The following RAPH1 variants were observed in gnomAD, a reference collection of about 807,000 sequenced individuals.
RAPH1 encodes the protein Ras association (RalGDS/AF-6) and pleckstrin homology domains 1.
Under a neutral mutation model 88.1 loss-of-function variants are expected in RAPH1, and 18 were observed. That is an observed-to-expected ratio of 0.20 (90% CI 0.14 to 0.30). RAPH1 has a LOEUF of 0.30. Among genes scored for constraint, RAPH1 ranks in the 10% least tolerant of loss-of-function variants. The pLI is 1.00. For synonymous variants in RAPH1, 587 were observed against 559.0 expected (o/e 1.05, Z -0.71); for missense variants, 1,448 against 1,543.2 (o/e 0.94, Z 1.03).
chr2:203,475,689 T>A (rs560869231), intron 4 of RAPH1, among the ~76,000 whole-genome samples: 1 of 151,526 alleles, frequency 6.6e-6, no homozygotes, highest in African/African-American at 2.4e-5. Flanking sequence ...CTATCACTTA[T>A]AACATGTTTC....
At position 203,438,099 on chromosome 2, in the gene RAPH1, AG is replaced by A; in HGVS notation, c.*1337del. 3.9e-6 allele frequency: 2 copies of A among 516,946 alleles called. No individual in the cohort carries two copies. The highest frequency in any genetic ancestry group is 7.7e-6 in the Non-Finnish European group (2 of 259,146). The allele number at this position is 516,946 out of a possible 1,614,324, so 32.0% of individuals were successfully genotyped here. Reference sequence around the variant, plus strand: ...CTGCACACGCATAAAACGTAATGTCAGTTACTGGACTTGGACTGTCCCACTC... The same window carrying A: ...CTGCACACGCATAAAACGTAATGTCATTACTGGACTTGGACTGTCCCACTC... On this transcript the variant is annotated 3_prime_UTR_variant, in exon 14 of 14. Transcript: ENST00000319170.
intron 3 of RAPH1, among the ~76,000 whole-genome samples, 161 bp downstream of exon 3, chr2:203,491,044 CAAAAAAAAA>C (rs1234982757): frequency 1.9e-5 from 1 of 52,770 alleles, no homozygotes; most frequent in African/African-American, 7.4e-5. Context: ...AACTCTGTCT[CAAAAAAAAA>C]AAAAAAAGAA....
intron 4 of RAPH1, among the ~76,000 whole-genome samples, chr2:203,488,613 A>C (rs901578307): frequency 7.4e-5 from 11 of 149,128 alleles, no homozygotes; most frequent in Admixed American, 4.0e-4. Context: ...AAAAAAAAAA[A>C]AAAAACCTGT....
chr2:203,482,897 G>A (rs571360923), intron 4 of RAPH1, among the ~76,000 whole-genome samples: 16 of 152,218 alleles, frequency 1.1e-4, no homozygotes, highest in African/African-American at 3.6e-4. Context: ...ATCAAAGAAC[G>A]CCTCAATAAG....
At chr2:203,487,081 T>C (rs1385909110) in intron 4 of RAPH1, among the ~76,000 whole-genome samples, 1 of 152,202 alleles carries the variant, frequency 6.6e-6, no homozygotes, top group Non-Finnish European at 1.5e-5. Flanking sequence ...AATTTGCCCC[T>C]ATACTGTATG....
chr2:203,469,316 CAT>C, intron 4 of RAPH1, among the ~76,000 whole-genome samples: 1 of 152,298 alleles, frequency 6.6e-6, no homozygotes, highest in Non-Finnish European at 1.5e-5. Flanking sequence ...TACCACCAGT[CAT>C]AGATCTGCTT....
At chr2:203,477,804 C>T (rs1687533401) in intron 4 of RAPH1, among the ~76,000 whole-genome samples, 1 of 152,126 alleles carries the variant, frequency 6.6e-6, no homozygotes, top group Admixed American at 6.6e-5. Context: ...CTAATCAGTA[C>T]ATTGGGGGTG....
At chr2:203,464,485 G>C (rs1244437597) in intron 4 of RAPH1, among the ~76,000 whole-genome samples, 3 of 152,184 alleles carry the variant, frequency 2.0e-5, no homozygotes, top group Non-Finnish European at 4.4e-5. Flanking sequence ...TGGCGAGACT[G>C]GTTTCAAACT....
intron 1 of RAPH1, among the ~76,000 whole-genome samples, chr2:203,498,434 C>T (rs1255651641): frequency 1.3e-5 from 2 of 152,122 alleles, no homozygotes; most frequent in Non-Finnish European, 2.9e-5. Context: ...GAACATTAGT[C>T]ATAAGCCTCC....
intron 1 of RAPH1, among the ~76,000 whole-genome samples, chr2:203,531,430 T>C (rs1269769608): frequency 6.6e-6 from 1 of 152,162 alleles, no homozygotes; most frequent in Non-Finnish European, 1.5e-5. Context: ...AAAAGGATAC[T>C]ATCAAGACAG....
Position 203,440,534 on chromosome 2 carries a change from C to T in RAPH1, c.2656G>A (p.Val886Ile). ...GACTGTGGAGCTACATTTGCTGGGA[C>T]AGGCTTTAAGGGCTGAGATTCCATG... is the stretch of plus-strand genomic sequence containing the variant. ...PAMESQPLKP[V>I]PANVAPQSPP... Residue 886 changes from valine (V) to isoleucine (I), a missense_variant, in exon 14 of 14, where the codon GTC becomes ATC. Val to Ile is a conservative substitution (Grantham distance 29). Transcript: ENST00000319170. The T allele has an allele frequency of 1.3e-6, 2 of 1,534,206 alleles. No homozygotes were observed. The highest frequency in any genetic ancestry group is 4.5e-5 in the East Asian group (2 of 44,072).
intron 5 of RAPH1, 66 bp from the exon 6 acceptor site, chr2:203,461,474 C>T (rs1407083722): frequency 1.7e-6 from 2 of 1,182,030 alleles, no homozygotes; most frequent in East Asian, 2.8e-5. Flanking sequence ...GGCACTGATC[C>T]AATATCAAAT....
intron 1 of RAPH1, among the ~76,000 whole-genome samples, chr2:203,517,934 C>T (rs1307041687): frequency 1.3e-5 from 2 of 152,080 alleles, no homozygotes; most frequent in Non-Finnish European, 2.9e-5. Context: ...AATCAACAAT[C>T]TAAGTTTCTA....
At chr2:203,498,817 C>G (rs1026064617) in intron 1 of RAPH1, among the ~76,000 whole-genome samples, 3 of 151,974 alleles carry the variant, frequency 2.0e-5, no homozygotes, top group African/African-American at 7.3e-5. Flanking sequence ...TACAATGGAG[C>G]CAAAGAGAAC....
chr2:203,499,657 G>A (rs963770767), intron 1 of RAPH1, among the ~76,000 whole-genome samples: 2 of 152,078 alleles, frequency 1.3e-5, no homozygotes, highest in Non-Finnish European at 2.9e-5. Flanking sequence ...AGGCTGCAGT[G>A]AGCCAAGATC....
Position 203,459,982 on chromosome 2 carries a change from A to G in RAPH1, c.1017T>C (p.Asn339=), listed in dbSNP as rs774319272. The G allele has an allele frequency of 3.7e-6, 6 of 1,610,030 alleles. No homozygotes were observed. Among genetic ancestry groups the G allele is most frequent in the East Asian group, 2.2e-5 (1 of 44,848 alleles). ...GCTTGTTTTGGCTATCTCTTGTCCA[A>G]TTAAGAAGATTTTCAACCAAGTTTT... ...DHENLVENLL[N]WTRDSQNKLI... is the part of the protein sequence containing the mutation. Residue 339 remains asparagine, a synonymous_variant, in exon 7 of 14, where the codon AAT becomes AAC. Transcript: ENST00000319170.
At chr2:203,502,618 G>C (rs538078323) in intron 1 of RAPH1, among the ~76,000 whole-genome samples, 1 of 146,356 alleles carries the variant, frequency 6.8e-6, no homozygotes, top group South Asian at 2.2e-4. Flanking sequence ...TCAGGAGATT[G>C]AGACCATCCT....
Position 203,440,087 on chromosome 2 carries a change from C to G in RAPH1, c.3103G>C (p.Val1035Leu). 6.2e-7 allele frequency: 1 copy of G among 1,613,520 alleles called. No individual in the cohort carries two copies. Among genetic ancestry groups the G allele is most frequent in the Admixed American group, 1.7e-5 (1 of 59,998 alleles). ...TGTTGGAGAACTCCAGGAAGGTTGA[C>G]TCCAGAAAGATTGAGTTTTCCAGGC... Reference protein sequence around the residue: ...PKPGKLNLSGVNLPGVLQQGC... With the variant: ...PKPGKLNLSGLNLPGVLQQGC... The change falls in exon 14 of 14, where the codon GTC (valine) becomes CTC (leucine). Residue 1035 changes from valine (V) to leucine (L), a missense_variant. Transcript: ENST00000319170.
chr2:203,441,504 A>G, intron 13 of RAPH1, 91 bp from the exon 14 acceptor site: 1 of 1,432,992 alleles, frequency 7.0e-7, no homozygotes, highest in East Asian at 2.5e-5. Context: ...AAAACTAAAA[A>G]GCAGGGAGTC....
Sources: gnomAD v4.1 joint callset for allele counts (sites outside exome capture counted in the v4.1 genomes callset) on GRCh38, gnomAD v4.1.1 for gene constraint, MANE v1.5 for transcripts, NCBI Gene and HGNC (gene_info 2026-07-23, HGNC 2026-07-21) for gene names.